The following COL4A1 variants were observed in gnomAD, a reference collection of about 807,000 sequenced individuals.
COL4A1 encodes the protein collagen type IV alpha 1 chain, also known as collagen alpha-1(IV) chain.
COL4A1 carries 40 observed loss-of-function variants against 216.6 expected under a neutral mutation model. The observed-to-expected ratio is 0.18, with a 90% CI of 0.14 to 0.24. The LOEUF is 0.24. Ranked by LOEUF, COL4A1 falls within the 10% of genes least tolerant of loss-of-function variation. The probability of loss-of-function intolerance (pLI) is 1.00; values close to 1 mark genes in which losing one functional copy is unlikely to be tolerated. For synonymous variants in COL4A1, 839 were observed against 810.7 expected (o/e 1.03, Z -0.59); for missense variants, 1,628 against 2,196.8 (o/e 0.74, Z 5.18).
At chr13:110,170,483 C>G in intron 42 of COL4A1, 64 bp downstream of exon 42, 9 of 1,495,748 alleles carry the variant, frequency 6.0e-6, no homozygotes, top group Non-Finnish European at 8.2e-6. Context: ...ATTTCTTTTA[C>G]GCTATTTCCT....
At chr13:110,170,782 G>T (rs1459625852) in intron 41 of COL4A1, 50 bp from the exon 42 acceptor site, 1 of 1,596,104 alleles carries the variant, frequency 6.3e-7, no homozygotes, top group Admixed American at 1.7e-5. Flanking sequence ...CAGCAGAACA[G>T]TAATCTCCAG....
chr13:110,170,399 G>C (rs1015851688), intron 42 of COL4A1, 148 bp downstream of exon 42: 2 of 853,508 alleles, frequency 2.3e-6, no homozygotes, highest in African/African-American at 3.4e-5. Context: ...GACTCGATGG[G>C]GGCCAAACAC....
chr13:110,242,254 G>A (rs1199515409), intron 2 of COL4A1, among the ~76,000 whole-genome samples: 1 of 152,130 alleles, frequency 6.6e-6, no homozygotes, highest in African/African-American at 2.4e-5. Context: ...ATCTAGACAA[G>A]CATGTGATGG....
chr13:110,219,670 A>ATG (rs1555307845), intron 2 of COL4A1, among the ~76,000 whole-genome samples: 40 of 72,608 alleles, frequency 5.5e-4, no homozygotes, highest in African/African-American at 1.3e-3. Context: ...ATGTATATAT[A>ATG]TATATATGTG....
At chr13:110,209,804 A>G in intron 10 of COL4A1, 176 bp downstream of exon 10, 1 of 811,806 alleles carries the variant, frequency 1.2e-6, no homozygotes. Context: ...AGCTCTGGGT[A>G]TATGGGTACC....
In COL4A1 at chr13:110,152,131, C is replaced by T. The variant is rs565172068; in HGVS notation, c.4928+203G>A. Among the ~76,000 whole-genome samples, 19 of 152,144 alleles carry T rather than the reference C, an allele frequency of 1.2e-4. No homozygotes were observed. The South Asian group carries it at 3.5e-3, about 28-fold the overall frequency. On this transcript the variant is annotated intron_variant, in intron 51 of 51. Transcript: ENST00000375820. ...ATGACCTTTTTCTTTCATGGTTCTT[C>T]GGTAAATGAAAAAATTAAACCTGTG... is the stretch of plus-strand genomic sequence containing the variant.
chr13:110,182,635 C>G (rs1374013930), intron 28 of COL4A1, among the ~76,000 whole-genome samples: 1 of 152,230 alleles, frequency 6.6e-6, no homozygotes, highest in African/African-American at 2.4e-5. Context: ...CTTGCACCTC[C>G]CCCTGGGCGC....
Position 110,201,021 on chromosome 13 carries a change from A to G in COL4A1, c.1085-132T>C, listed in dbSNP as rs2139190480. 23 of 959,108 alleles carry G rather than the reference A, an allele frequency of 2.4e-5. No homozygotes were observed. In the South Asian group the frequency reaches 2.9e-4, roughly 12 times the overall value. The allele number at this position is 959,108 out of a possible 1,614,324, so 59.4% of individuals were successfully genotyped here. A position where few individuals can be genotyped will look rare whatever the true frequency, so the allele number is the denominator to read the frequency against. On this transcript the variant is annotated intron_variant, in intron 19 of 51. Transcript: ENST00000375820. The stretch of plus-strand genomic sequence containing the variant: ...TGGCCAAAGGGAACGTAGAAAACAG[A>G]GCGGGAGACCACCCGAGCCCCCACT...
intron 1 of COL4A1, among the ~76,000 whole-genome samples, chr13:110,269,077 C>G (rs1883150129): frequency 6.6e-6 from 1 of 152,200 alleles, no homozygotes; most frequent in African/African-American, 2.4e-5. Context: ...GCTGTATTGA[C>G]AGCATGCTCT....
At chr13:110,293,532 T>C (rs1441221672) in intron 1 of COL4A1, among the ~76,000 whole-genome samples, 1 of 152,196 alleles carries the variant, frequency 6.6e-6, no homozygotes, top group Non-Finnish European at 1.5e-5. Flanking sequence ...TCATCTGACT[T>C]GAGATGGCAA....
At chr13:110,155,475 A>G (rs1348884143) in intron 49 of COL4A1, 78 bp from the exon 50 acceptor site, 2 of 863,876 alleles carry the variant, frequency 2.3e-6, no homozygotes, top group Non-Finnish European at 3.9e-6. Flanking sequence ...CCCGTTACCT[A>G]CACTCAACAT....
chr13:110,174,565 TG>T (rs1877792099), intron 38 of COL4A1, 39 bp from the exon 39 acceptor site: 1 of 1,614,172 alleles, frequency 6.2e-7, no homozygotes, highest in East Asian at 2.2e-5. Context: ...TCCATAAGTT[TG>T]GGCTTTTCTT....
intron 1 of COL4A1, among the ~76,000 whole-genome samples, chr13:110,290,048 C>G (rs1884024337): frequency 6.6e-6 from 1 of 152,230 alleles, no homozygotes; most frequent in Admixed American, 6.5e-5. Context: ...GCACAGCACC[C>G]TCGCAGGGGC....
intron 1 of COL4A1, among the ~76,000 whole-genome samples, chr13:110,261,975 G>A (rs960175436): frequency 3.9e-5 from 6 of 152,158 alleles, no homozygotes; most frequent in East Asian, 3.9e-4. Context: ...AGCTGTGACC[G>A]GGCGGGAAGC....
At chr13:110,288,793 G>C (rs1328950350) in intron 1 of COL4A1, among the ~76,000 whole-genome samples, 1 of 152,186 alleles carries the variant, frequency 6.6e-6, no homozygotes, top group Non-Finnish European at 1.5e-5. Flanking sequence ...CAGCACTTTG[G>C]GAGGCTGAGG....
intron 1 of COL4A1, among the ~76,000 whole-genome samples, chr13:110,259,144 T>C (rs991096879): frequency 6.6e-6 from 1 of 152,270 alleles, no homozygotes; most frequent in African/African-American, 2.4e-5. Flanking sequence ...TTTTCCATCT[T>C]GTTAATTTGC....
intron 50 of COL4A1, among the ~76,000 whole-genome samples, chr13:110,154,172 G>A (rs1249142982): frequency 6.6e-6 from 1 of 152,212 alleles, no homozygotes; most frequent in African/African-American, 2.4e-5. Context: ...TTCCAATGAT[G>A]GTGCAGATGT....
chr13:110,194,956 T>C lies in COL4A1; in HGVS notation c.1381+67A>G, dbSNP rs915854719. 1.3e-5 allele frequency: 19 copies of C among 1,426,076 alleles called. No homozygotes were observed. In the African/African-American group the frequency reaches 2.5e-4, roughly 19 times the overall value. The allele number at this position is 1,426,076 out of a possible 1,614,324, so 88.3% of individuals were successfully genotyped here. ...CACCCCCACTTGGCTCCAAAGCCGG[T>C]AAGTATGTGGGAAAAAATCATACGC... On this transcript the variant is annotated intron_variant, in intron 22 of 51. Coordinates refer to ENST00000375820, the MANE Select transcript of COL4A1 (RefSeq NM_001845.6).
intron 1 of COL4A1, among the ~76,000 whole-genome samples, chr13:110,247,044 A>G (rs1165173728): frequency 2.0e-5 from 3 of 152,188 alleles, no homozygotes; most frequent in Admixed American, 6.5e-5. Flanking sequence ...CCCCAGACCA[A>G]TGTGGAAAAA....
Sources: gnomAD v4.1 joint callset for allele counts (sites outside exome capture counted in the v4.1 genomes callset) on GRCh38, gnomAD v4.1.1 for gene constraint, MANE v1.5 for transcripts, NCBI Gene and HGNC (gene_info 2026-07-23, HGNC 2026-07-21) for gene names.